The following PDE1C variants were observed in gnomAD, a reference collection of about 807,000 sequenced individuals.
PDE1C encodes dual specificity calcium/calmodulin-dependent 3',5'-cyclic nucleotide phosphodiesterase 1C.
A neutral mutation model predicts 93.1 loss-of-function variants in PDE1C; 62 were observed. The observed-to-expected ratio is 0.67, with a 90% confidence interval of 0.54 to 0.82. The LOEUF is 0.82. PDE1C is among the 40% of genes least tolerant of loss of function. PDE1C has a pLI of 0.00. For synonymous variants in PDE1C, 325 were observed against 310.1 expected (o/e 1.05, Z -0.50); for missense variants, 742 against 884.6 (o/e 0.84, Z 2.04).
intron 3 of PDE1C, among the ~76,000 whole-genome samples, chr7:32,139,300 C>CTTTTTTTTT (rs34277412): frequency 1.4e-4 from 12 of 82,922 alleles, no homozygotes; most frequent in South Asian, 4.6e-4. Context: ...CAAAATCAAC[C>CTTTTTTTTT]TTTTTTTTTT....
chr7:31,930,472 G>A (rs1804041529), intron 2 of PDE1C, among the ~76,000 whole-genome samples: 1 of 152,052 alleles, frequency 6.6e-6, no homozygotes, highest in South Asian at 2.1e-4. Context: ...AAAATTTCAG[G>A]CCAATATTTC....
At chr7:32,411,061 T>C (rs1020307878) in intron 1 of PDE1C, among the ~76,000 whole-genome samples, 2 of 152,238 alleles carry the variant, frequency 1.3e-5, no homozygotes, top group Non-Finnish European at 2.9e-5. Flanking sequence ...AGTTGCTATA[T>C]AATAAATTTA....
intron 1 of PDE1C, among the ~76,000 whole-genome samples, chr7:32,297,457 G>C (rs1304152586): frequency 8.5e-5 from 13 of 152,086 alleles, no homozygotes; most frequent in Admixed American, 8.5e-4. Context: ...TTCTCCAAAG[G>C]CTGACGTCCC....
chr7:31,804,992 G>A (rs1199130168), intron 16 of PDE1C, among the ~76,000 whole-genome samples: 1 of 151,712 alleles, frequency 6.6e-6, no homozygotes, highest in Non-Finnish European at 1.5e-5. Context: ...GGGACCCTCG[G>A]GGAGGTAATT....
chr7:32,257,469 T>C (rs541715980), intron 1 of PDE1C, among the ~76,000 whole-genome samples: 23 of 152,378 alleles, frequency 1.5e-4, no homozygotes, highest in African/African-American at 5.5e-4. Context: ...GTGGCTTATT[T>C]GTGCCTCAGT....
At chr7:31,716,968 C>T in the PDE1C span, among the ~76,000 whole-genome samples, 4 of 152,210 alleles carry the variant, frequency 2.6e-5, no homozygotes, top group East Asian at 7.7e-4. Flanking sequence ...GGAAGCAACA[C>T]CAACCAAAAT....
chr7:31,761,867 G>A (rs1396776430), intron 17 of PDE1C, among the ~76,000 whole-genome samples: 2 of 152,148 alleles, frequency 1.3e-5, no homozygotes, highest in Non-Finnish European at 2.9e-5. Context: ...TTCTGGCACT[G>A]TCCCCATAGG....
At chr7:32,204,830 C>T (rs1805305592) in intron 2 of PDE1C, among the ~76,000 whole-genome samples, 1 of 152,214 alleles carries the variant, frequency 6.6e-6, no homozygotes, top group Non-Finnish European at 1.5e-5. Context: ...CTGACTCTCC[C>T]AGCTCCTCCT....
intron 2 of PDE1C, among the ~76,000 whole-genome samples, chr7:32,043,663 G>A (rs1227567076): frequency 6.6e-6 from 1 of 152,156 alleles, no homozygotes; most frequent in African/African-American, 2.4e-5. Context: ...GAAACACAGA[G>A]ATTGAAGCAC....
At chr7:32,404,095 C>A (rs559310988) in intron 1 of PDE1C, among the ~76,000 whole-genome samples, 1 of 152,242 alleles carries the variant, frequency 6.6e-6, no homozygotes, top group South Asian at 2.1e-4. Flanking sequence ...TGACTCCTGG[C>A]CCCTCAGTCA....
At chr7:32,349,067 G>C (rs937884648) in intron 1 of PDE1C, among the ~76,000 whole-genome samples, 1 of 152,216 alleles carries the variant, frequency 6.6e-6, no homozygotes, top group African/African-American at 2.4e-5. Context: ...TCCCTTCAAA[G>C]CGGATTAATT....
At chr7:32,114,050 C>G (rs1259560445) in intron 3 of PDE1C, among the ~76,000 whole-genome samples, 1 of 152,166 alleles carries the variant, frequency 6.6e-6, no homozygotes, top group Non-Finnish European at 1.5e-5. Flanking sequence ...AATGGCCATA[C>G]TATCCAAAGT....
intron 1 of PDE1C, among the ~76,000 whole-genome samples, chr7:32,418,323 C>T (rs553536364): frequency 2.6e-5 from 4 of 152,316 alleles, no homozygotes; most frequent in African/African-American, 9.6e-5. Context: ...CCCGTACTCA[C>T]TAGATGTGCA....
intron 2 of PDE1C, among the ~76,000 whole-genome samples, chr7:31,896,551 C>T (rs115402759): frequency 6.6e-6 from 1 of 152,018 alleles, no homozygotes; most frequent in Non-Finnish European, 1.5e-5. Context: ...AGCAGCCAGT[C>T]AGCAGGCACT....
chr7:32,121,423 A>G (rs557898756), intron 3 of PDE1C, among the ~76,000 whole-genome samples: 1 of 152,216 alleles, frequency 6.6e-6, no homozygotes, highest in African/African-American at 2.4e-5. Context: ...CAAGACACAT[A>G]ATCGTCAGAT....
At chr7:32,195,880 G>C (rs1414253893) in intron 2 of PDE1C, among the ~76,000 whole-genome samples, 1 of 152,158 alleles carries the variant, frequency 6.6e-6, no homozygotes, top group Non-Finnish European at 1.5e-5. Context: ...CCTGAGGAAG[G>C]ATGTAGCTTT....
At chr7:31,897,753 T>A (rs552208776) in intron 2 of PDE1C, among the ~76,000 whole-genome samples, 73 of 152,334 alleles carry the variant, frequency 4.8e-4, no homozygotes, top group African/African-American at 1.7e-3. Context: ...TTGGATTGTT[T>A]TTCCTGAATA....
At chr7:32,382,466 G>A (rs973365685) in intron 1 of PDE1C, among the ~76,000 whole-genome samples, 5 of 152,128 alleles carry the variant, frequency 3.3e-5, no homozygotes, top group Admixed American at 6.5e-5. Context: ...AAATGAGAAG[G>A]CTTTTAGTTG....
intron 1 of PDE1C, among the ~76,000 whole-genome samples, chr7:32,420,110 TATATATATATATATACACACACAC>T (rs1390412388): frequency 8.5e-5 from 2 of 23,642 alleles, no homozygotes; most frequent in Admixed American, 7.4e-4. Context: ...TATATATATA[TATATATATATATATACACACACAC>T]ACACACACAC....
Sources: gnomAD v4.1 joint callset for allele counts (sites outside exome capture counted in the v4.1 genomes callset) on GRCh38, gnomAD v4.1.1 for gene constraint, MANE v1.5 for transcripts, NCBI Gene and HGNC (gene_info 2026-07-23, HGNC 2026-07-21) for gene names.